Variants in TNS1 observed in about 807,000 individuals in gnomAD.
The protein encoded by TNS1 is tensin 1, also known as tensin-1.
In TNS1, 62 loss-of-function variants were observed where a neutral mutation model predicts 168.6. The observed-to-expected ratio is 0.37, with a 90% CI of 0.30 to 0.45. The LOEUF is 0.45. Among genes scored for constraint, TNS1 ranks in the 20% least tolerant of loss-of-function variants. The pLI is 1.00. For synonymous variants in TNS1, 934 were observed against 933.2 expected (o/e 1.00, Z -0.02); for missense variants, 2,240 against 2,339.4 (o/e 0.96, Z 0.88).
intron 19 of TNS1, among the ~76,000 whole-genome samples, chr2:217,843,410 C>G (rs944644808): frequency 6.6e-6 from 1 of 151,924 alleles, no homozygotes; most frequent in Admixed American, 6.6e-5. Flanking sequence ...ATTCTCATGA[C>G]TCTTATATTT....
At chr2:217,832,537 G>A (rs747964949) in intron 21 of TNS1, among the ~76,000 whole-genome samples, 15 of 152,190 alleles carry the variant, frequency 9.9e-5, no homozygotes, top group Admixed American at 2.6e-4. Flanking sequence ...TCTGCCTGCC[G>A]AATGGCCTCA....
chr2:217,841,404 C>G (rs1945940029), intron 19 of TNS1: 1 of 286,926 alleles, frequency 3.5e-6, no homozygotes, highest in Non-Finnish European at 5.2e-6. Flanking sequence ...ATGGGAAACA[C>G]AGAGAGTGCA....
chr2:217,921,525 C>T (rs1955699994), intron 3 of TNS1, among the ~76,000 whole-genome samples: 1 of 152,196 alleles, frequency 6.6e-6, no homozygotes, highest in Non-Finnish European at 1.5e-5. Context: ...CACAGCAGCC[C>T]AGATAAGGTC....
chr2:217,847,946 C>G lies in TNS1; in HGVS notation c.2571G>C (p.Gln857His). ...CCCCTGGCCAGGCCCCGGGGACACTCTGGGACTTGTGTAGTGGGGCAGCAG... is the reference window on the plus strand; with the variant it reads ...CCCCTGGCCAGGCCCCGGGGACACTGTGGGACTTGTGTAGTGGGGCAGCAG... ...ASAAAPLHKS[Q>H]SVPGAWPGAS... Residue 857 changes from glutamine to histidine, a missense_variant, in exon 19 of 33, where the codon CAG becomes CAC. By Grantham distance (24) the Gln-to-His change is conservative. This residue lies in a region of TNS1 where 2,131 missense variants were observed against 2,171.2 expected (regional missense o/e 0.98). Transcript: ENST00000682258. 1 of 1,516,882 alleles carries G rather than the reference C, an allele frequency of 6.6e-7. No homozygotes were observed. Among genetic ancestry groups the G allele is most frequent in the Non-Finnish European group, 8.9e-7 (1 of 1,129,866 alleles). The allele number at this position is 1,516,882 out of a possible 1,614,324, so 94.0% of individuals were successfully genotyped here.
chr2:218,031,374 CTG>C (rs575537516), intron 1 of TNS1, among the ~76,000 whole-genome samples: 39 of 145,640 alleles, frequency 2.7e-4, no homozygotes, highest in South Asian at 6.6e-4. Context: ...GTGAGCATGT[CTG>C]TGTGTGTATG....
intron 32 of TNS1, among the ~76,000 whole-genome samples, chr2:217,804,905 G>A (rs544201596): frequency 6.6e-6 from 1 of 152,130 alleles, no homozygotes; most frequent in East Asian, 1.9e-4. Flanking sequence ...GTGGGGAGGA[G>A]ACCAAAATAA....
intron 22 of TNS1, chr2:217,829,785 T>G: frequency 2.6e-6 from 3 of 1,165,820 alleles, no homozygotes; most frequent in Non-Finnish European, 3.6e-6. Flanking sequence ...CTTCAAGCCC[T>G]GCTTTGAAAA....
intron 7 of TNS1, among the ~76,000 whole-genome samples, chr2:217,899,732 C>T (rs1388076270): frequency 2.6e-5 from 4 of 152,304 alleles, no homozygotes; most frequent in South Asian, 2.1e-4. Flanking sequence ...TGCCACCAGC[C>T]GGACAGCCTC....
chr2:217,865,339 C>T (rs1328056228), intron 18 of TNS1, among the ~76,000 whole-genome samples: 2 of 152,330 alleles, frequency 1.3e-5, no homozygotes, highest in African/African-American at 4.8e-5. Context: ...CACAGGCCTG[C>T]ATGGCAGACA....
intron 22 of TNS1, 116 bp downstream of exon 22, chr2:217,831,339 C>T (rs1159486821): frequency 2.3e-6 from 2 of 879,316 alleles, no homozygotes; most frequent in Admixed American, 5.7e-5. Flanking sequence ...GGCCTGACCT[C>T]AGTGTGGGCA....
chr2:217,887,466 G>T (rs1951320073), intron 12 of TNS1, among the ~76,000 whole-genome samples: 1 of 152,102 alleles, frequency 6.6e-6, no homozygotes, highest in African/African-American at 2.4e-5. Flanking sequence ...GCGCCACCAT[G>T]CCCGGCTAAT....
In TNS1 at chr2:217,810,240, C is replaced by A. The variant is rs973735472; in HGVS notation, c.5104+8G>T. ...TGGGCATGGGTACAGTTTCAGGTGA[C>A]CACTCACCTGCCCCTTGTTTCAGCA... is the stretch of plus-strand genomic sequence containing the variant. On this transcript the variant is annotated splice_region_variant and intron_variant, in intron 29 of 32. Coordinates refer to ENST00000682258, the MANE Select transcript of TNS1 (RefSeq NM_001387777.1). 1 of 1,613,596 alleles carries A rather than the reference C, an allele frequency of 6.2e-7. No homozygotes were observed.
chr2:217,812,692 A>G (rs1030544577), intron 27 of TNS1, among the ~76,000 whole-genome samples: 1 of 152,204 alleles, frequency 6.6e-6, no homozygotes, highest in African/African-American at 2.4e-5. Flanking sequence ...TCCTCCTAAC[A>G]TCGCTCCTAA....
At chr2:217,812,281 C>G (rs1941058617) in intron 28 of TNS1, 87 bp downstream of exon 28, 1 of 1,100,240 alleles carries the variant, frequency 9.1e-7, no homozygotes, top group African/African-American at 1.5e-5. Context: ...CAGCCCTGGC[C>G]CATGTCCGGA....
Position 217,807,196 on chromosome 2 carries a change from G to A in TNS1, c.5375+879C>T, listed in dbSNP as rs73074311. Among the ~76,000 whole-genome samples the A allele has an allele frequency of 5.2e-3, 799 of 152,298 alleles. 4 individuals carry two copies. Among genetic ancestry groups the A allele is most frequent in the African/African-American group, 0.018 (765 of 41,560 alleles). On this transcript the variant is annotated intron_variant, in intron 32 of 32. Coordinates refer to ENST00000682258, the MANE Select transcript of TNS1 (RefSeq NM_001387777.1). ...GCTATAAACAGCAATCCAAAAGCAC[G>A]ACATTTACCTATTATAAAGTCAATC...
chr2:217,812,485 G>C, intron 27 of TNS1, 40 bp from the exon 28 acceptor site: 1 of 1,577,314 alleles, frequency 6.3e-7, no homozygotes, highest in Non-Finnish European at 8.7e-7. Flanking sequence ...CAGTGATACT[G>C]GAAGCCAGAA....
Position 217,902,933 on chromosome 2 carries a change from G to A in TNS1, c.322-2421C>T, listed in dbSNP as rs114124407. Among the ~76,000 whole-genome samples, 743 of 152,212 alleles carry A rather than the reference G, an allele frequency of 4.9e-3. 8 individuals are homozygous for A. Among genetic ancestry groups the A allele is most frequent in the African/African-American group, 0.018 (731 of 41,508 alleles). ...ATGCACGGTGACACGTCTGAGTGTC[G>A]GTACACACAGACAGACAGAACTCAG... On this transcript the variant is annotated intron_variant, in intron 6 of 32. Coordinates refer to ENST00000682258, the MANE Select transcript of TNS1 (RefSeq NM_001387777.1).
At chr2:217,878,133 T>C (rs1035240524) in intron 18 of TNS1, among the ~76,000 whole-genome samples, 2 of 152,338 alleles carry the variant, frequency 1.3e-5, no homozygotes, top group African/African-American at 4.8e-5. Flanking sequence ...GGGGCTCAGC[T>C]GTTGCCTGCA....
At chr2:217,811,336 G>A (rs1469885297) in intron 28 of TNS1, among the ~76,000 whole-genome samples, 1 of 152,198 alleles carries the variant, frequency 6.6e-6, no homozygotes, top group Non-Finnish European at 1.5e-5. Flanking sequence ...TTCAATTCAT[G>A]TCTGAATTGT....
Sources: gnomAD v4.1 joint callset for allele counts (sites outside exome capture counted in the v4.1 genomes callset) on GRCh38, gnomAD v4.1.1 for gene constraint, gnomAD v4.1.1 regional missense constraint, MANE v1.5 for transcripts, NCBI Gene and HGNC (gene_info 2026-07-23, HGNC 2026-07-21) for gene names.